TBXAS1: variants seen among roughly 807,000 people sequenced by gnomAD.
TBXAS1 encodes thromboxane-A synthase.
TBXAS1 carries 48 observed loss-of-function variants against 60.7 expected under a neutral mutation model. The observed-to-expected ratio is 0.79, with a 90% CI of 0.63 to 1.01. TBXAS1 has a LOEUF of 1.01. Ranked by LOEUF, TBXAS1 falls within the 50% of genes least tolerant of loss-of-function variation. The probability of loss-of-function intolerance (pLI) is 0.00; values close to 1 mark genes in which losing one functional copy is unlikely to be tolerated. For missense variants in TBXAS1, 685 were observed against 686.3 expected (o/e 1.00, Z 0.02); for synonymous variants, 287 against 269.7 (o/e 1.06, Z -0.63).
intron 1 of TBXAS1, among the ~76,000 whole-genome samples, chr7:139,865,921 G>T (rs1346199555): frequency 1.3e-5 from 2 of 149,578 alleles, no homozygotes; most frequent in Admixed American, 1.3e-4. Flanking sequence ...AGGAAAGAGG[G>T]AGGGAAGGAA....
In TBXAS1 at chr7:139,896,017, G is replaced by A. The variant is rs1804064372; in HGVS notation, c.237-15208G>A. On this transcript the variant is annotated intron_variant, in intron 3 of 12. Coordinates refer to ENST00000448866, the MANE Select transcript of TBXAS1 (RefSeq NM_001061.7). The surrounding 1 kb of genome is among the most constrained non-coding windows in gnomAD (Gnocchi z 4.0). ...CTGAGGTTTCAAGTCTGGCTTCAGA[G>A]TTGAAAGCTCCTTCTGCCAGGAGGA... Among the ~76,000 whole-genome samples the A allele has an allele frequency of 6.6e-6, 1 of 152,218 alleles. No homozygotes were observed. Among genetic ancestry groups the A allele is most frequent in the South Asian group, 2.1e-4 (1 of 4,834 alleles).
intron 5 of TBXAS1, chr7:139,952,676 T>C: frequency 6.5e-7 from 1 of 1,529,126 alleles, no homozygotes; most frequent in Non-Finnish European, 8.7e-7. Flanking sequence ...ATTATGCCAC[T>C]CTACCTTTCT....
intron 4 of TBXAS1, among the ~76,000 whole-genome samples, chr7:139,932,950 A>G (rs1807451133): frequency 6.6e-6 from 1 of 152,168 alleles, no homozygotes; most frequent in African/African-American, 2.4e-5. Context: ...CCAGCTACTC[A>G]GGAGACTGAG....
intron 6 of TBXAS1, among the ~76,000 whole-genome samples, chr7:139,954,690 T>C (rs1431998819): frequency 6.6e-6 from 1 of 152,210 alleles, no homozygotes; most frequent in Non-Finnish European, 1.5e-5. Flanking sequence ...TCCTATAAGA[T>C]AACAAAAAGA....
Position 139,890,207 on chromosome 7 carries a change from C to CTTT in TBXAS1, c.236+14594_236+14596dup, listed in dbSNP as rs57305084. Among the ~76,000 whole-genome samples the CTTT allele has an allele frequency of 1.7e-3, 146 of 85,616 alleles. 14 individuals are homozygous for CTTT. Among genetic ancestry groups the CTTT allele is most frequent in the Non-Finnish European group, 1.9e-3 (89 of 47,282 alleles). 56.2% of individuals were successfully genotyped at this position (85,616 alleles called of 152,430 possible). A position where few individuals can be genotyped will look rare whatever the true frequency, so the allele number is the denominator to read the frequency against. On this transcript the variant is annotated intron_variant, in intron 3 of 12. Transcript: ENST00000448866. ...CCAAGTGAGAAATTTAGGATGCAGTCTTTTTTTTTTTTTTTTTTTTTTTTT... is the reference window on the plus strand; with the variant it reads ...CCAAGTGAGAAATTTAGGATGCAGTCTTTTTTTTTTTTTTTTTTTTTTTTTTTT...
intron 5 of TBXAS1, among the ~76,000 whole-genome samples, chr7:139,944,491 C>T (rs1808542251): frequency 6.6e-6 from 1 of 152,178 alleles, no homozygotes; most frequent in Non-Finnish European, 1.5e-5. Flanking sequence ...GAGGGAGTGA[C>T]CTGCTCAGAA....
chr7:139,905,005 C>CTCTTTCTCTCTTTCTTTCTT (rs1554487120), intron 3 of TBXAS1, among the ~76,000 whole-genome samples: 26 of 90,484 alleles, frequency 2.9e-4, no homozygotes, highest in East Asian at 2.1e-3. Flanking sequence ...CTCTCTTTCT[C>CTCTTTCTCTCTTTCTTTCTT]TCTTTCTTTC....
At chr7:139,833,368 G>A (rs535086407) in intron 1 of TBXAS1, among the ~76,000 whole-genome samples, 324 of 151,884 alleles carry the variant, frequency 2.1e-3, no homozygotes, top group African/African-American at 7.2e-3. Context: ...AAAACAAATC[G>A]TAAAGCAACA....
intron 5 of TBXAS1, among the ~76,000 whole-genome samples, chr7:139,938,604 T>C (rs1808002864): frequency 6.6e-6 from 1 of 152,096 alleles, no homozygotes. Context: ...CTGCCTGGAG[T>C]GTGCCCCTTT....
intron 1 of TBXAS1, among the ~76,000 whole-genome samples, chr7:139,870,758 C>T (rs528262149): frequency 1.2e-4 from 18 of 152,324 alleles, no homozygotes; most frequent in Admixed American, 2.0e-4. Flanking sequence ...CCTGCCTTCC[C>T]GTTCTGCCCT....
chr7:139,894,293 G>A (rs2267688), intron 3 of TBXAS1, among the ~76,000 whole-genome samples: 83,251 of 151,938 alleles, frequency 0.55, 23,389 homozygotes, highest in African/African-American at 0.67. Context: ...GGGTGGTTAG[G>A]AAAGTGTGCA....
intron 4 of TBXAS1, among the ~76,000 whole-genome samples, chr7:139,823,292 T>C (rs1798347690): frequency 6.6e-6 from 1 of 151,844 alleles, no homozygotes; most frequent in African/African-American, 2.4e-5. Flanking sequence ...GTGAGCTCCT[T>C]GTTGGAGAGA....
At chr7:139,972,190 C>T (rs1811253796) in intron 9 of TBXAS1, among the ~76,000 whole-genome samples, 1 of 152,212 alleles carries the variant, frequency 6.6e-6, no homozygotes, top group Non-Finnish European at 1.5e-5. Flanking sequence ...GGGGCACCTG[C>T]AAAGAGAAGT....
rs759422329 is a variant in TBXAS1, at chr7:139,951,972, AAG to A, written c.451-1394_451-1393del. 9.6e-5 allele frequency among the ~76,000 whole-genome samples: 14 copies of A among 146,076 alleles called. 1 individual carries two copies. The highest frequency in any genetic ancestry group is 1.5e-4 in the African/African-American group (6 of 39,892). On this transcript the variant is annotated intron_variant, in intron 5 of 12. Coordinates refer to ENST00000448866, the MANE Select transcript of TBXAS1 (RefSeq NM_001061.7). The stretch of plus-strand genomic sequence containing the variant: ...AAGAAAAGAAAGAAAGAAAGAAAGA[AAG>A]AAAGAAAGAAAGAAAGAAAGAAAGA...
At chr7:140,010,704 A>G (rs912537538) in intron 10 of TBXAS1, among the ~76,000 whole-genome samples, 5 of 152,090 alleles carry the variant, frequency 3.3e-5, no homozygotes, top group Non-Finnish European at 5.9e-5. Context: ...TAGCATCTCA[A>G]TGGGTTCTCC....
intron 9 of TBXAS1, among the ~76,000 whole-genome samples, chr7:139,985,390 T>C (rs1444621282): frequency 6.6e-6 from 1 of 152,220 alleles, no homozygotes; most frequent in African/African-American, 2.4e-5. Context: ...GGGCTGATGG[T>C]GTGGAGTACA....
chr7:139,889,020 G>A (rs1332115823), intron 3 of TBXAS1, among the ~76,000 whole-genome samples: 2 of 151,956 alleles, frequency 1.3e-5, no homozygotes, highest in Non-Finnish European at 2.9e-5. Flanking sequence ...AGGAAAAGAA[G>A]GAGAATTTTA....
At chr7:139,889,054 C>T (rs1329071566) in intron 3 of TBXAS1, among the ~76,000 whole-genome samples, 17 of 151,782 alleles carry the variant, frequency 1.1e-4, no homozygotes, top group Non-Finnish European at 2.1e-4. Flanking sequence ...CTGTAGTGGC[C>T]GGGTGTGGTG....
At chr7:139,845,402 A>G (rs926250288) in intron 1 of TBXAS1, among the ~76,000 whole-genome samples, 1 of 152,022 alleles carries the variant, frequency 6.6e-6, no homozygotes, top group Non-Finnish European at 1.5e-5. Context: ...CATGCAGTTC[A>G]GTGCCAATTT....
Sources: gnomAD v4.1 joint callset for allele counts (sites outside exome capture counted in the v4.1 genomes callset) on GRCh38, gnomAD v4.1.1 for gene constraint, Gnocchi (gnomAD v3.1) non-coding constraint, MANE v1.5 for transcripts, NCBI Gene and HGNC (gene_info 2026-07-23, HGNC 2026-07-21) for gene names.